Variants in PCDHA6 observed in about 807,000 individuals in gnomAD.
The protein encoded by PCDHA6 is protocadherin alpha 6, also known as protocadherin alpha-6.
A neutral mutation model predicts 60.3 loss-of-function variants in PCDHA6; 55 were observed. The ratio of observed to expected loss-of-function variants is 0.91; its 90% CI spans 0.73 to 1.14. PCDHA6 has a LOEUF of 1.14. PCDHA6 is among the 50% of genes most tolerant of loss of function. The probability of loss-of-function intolerance (pLI) is 0.00; values close to 1 mark genes in which losing one functional copy is unlikely to be tolerated. For missense variants in PCDHA6, 1,327 were observed against 1,256.5 expected, an observed-to-expected ratio of 1.06 and a Z score of -0.85; for synonymous variants, 652 against 557.9, an observed-to-expected ratio of 1.17 and a Z score of -2.38.
intron 3 of PCDHA6, among the ~76,000 whole-genome samples, chr5:141,002,612 C>G (rs1487847560): frequency 1.3e-5 from 2 of 152,178 alleles, no homozygotes; most frequent in Non-Finnish European, 2.9e-5. Context: ...AAAACAGACA[C>G]ATAACACAGA....
intron 1 of PCDHA6, among the ~76,000 whole-genome samples, chr5:140,911,222 T>G (rs2075377398): frequency 6.6e-6 from 1 of 152,204 alleles, no homozygotes; most frequent in African/African-American, 2.4e-5. Flanking sequence ...ATGAGAAAGC[T>G]GTTTCTTCTG....
intron 3 of PCDHA6, among the ~76,000 whole-genome samples, chr5:140,996,703 C>G (rs2097740523): frequency 6.6e-6 from 1 of 152,132 alleles, no homozygotes; most frequent in African/African-American, 2.4e-5. Context: ...GAACCTCTAT[C>G]TCTTTGATTT....
At chr5:140,892,550 A>G (rs1337911954) in intron 1 of PCDHA6, among the ~76,000 whole-genome samples, 1 of 152,202 alleles carries the variant, frequency 6.6e-6, no homozygotes, top group East Asian at 1.9e-4. Context: ...TTGTTTCTCT[A>G]GTCCTTGGAG....
chr5:140,951,021 G>A (rs960559037), intron 1 of PCDHA6, among the ~76,000 whole-genome samples: 1 of 151,932 alleles, frequency 6.6e-6, no homozygotes, highest in Non-Finnish European at 1.5e-5. Context: ...CAGGCAGTGA[G>A]TTTTAATTTC....
chr5:140,856,514 G>T (rs781942781), intron 1 of PCDHA6: 5 of 1,598,422 alleles, frequency 3.1e-6, no homozygotes, highest in Non-Finnish European at 3.4e-6. Context: ...ACTAGAAGGC[G>T]CATCTGATGC....
Position 140,829,426 on chromosome 5 carries a change from G to A in PCDHA6, c.1335G>A (p.Val445=). ...LWATASLSVE[V]ADMNDNAPAF... ...CCACCGCCAGCTTGTCTGTGGAGGT[G>A]GCCGACATGAATGACAATGCTCCGG... The change falls in exon 1 of 4, where the codon GTG becomes GTA. Residue 445 remains valine (V), a synonymous_variant. Transcript: ENST00000529310. 6.2e-7 allele frequency: 1 copy of A among 1,614,124 alleles called. No homozygotes were observed. The highest frequency in any genetic ancestry group is 8.5e-7 in the Non-Finnish European group (1 of 1,180,044).
At chr5:140,952,352 A>G (rs2094730295) in intron 1 of PCDHA6, among the ~76,000 whole-genome samples, 1 of 103,372 alleles carries the variant, frequency 9.7e-6, no homozygotes, top group Non-Finnish European at 2.0e-5. Flanking sequence ...AAAAAAAAAA[A>G]AAGAAAGAAA....
intron 1 of PCDHA6, chr5:140,869,622 TA>T: frequency 6.2e-7 from 1 of 1,613,790 alleles, no homozygotes; most frequent in Non-Finnish European, 8.5e-7. Context: ...ACAGGCTAAG[TA>T]AAAATGAGTA....
intron 1 of PCDHA6, among the ~76,000 whole-genome samples, chr5:140,838,280 A>ATTTTT (rs2150286950): frequency 0.017 from 2,338 of 139,538 alleles, 73 homozygotes; most frequent in African/African-American, 0.061. Flanking sequence ...AGCCATGCTA[A>ATTTTT]TTTTTTTTTT....
At chr5:140,904,074 T>G (rs2070811489) in intron 1 of PCDHA6, among the ~76,000 whole-genome samples, 1 of 152,214 alleles carries the variant, frequency 6.6e-6, no homozygotes, top group East Asian at 1.9e-4. Flanking sequence ...GGGAACAGTA[T>G]TTGGTTACAT....
chr5:140,830,518 T>G (rs933465467), intron 1 of PCDHA6, 33 bp downstream of exon 1: 1 of 1,345,070 alleles, frequency 7.4e-7, no homozygotes, highest in Admixed American at 2.6e-5. Flanking sequence ...CAGTTAATTT[T>G]TATTTTAAAT....
chr5:140,949,537 C>A (rs1359504503), intron 1 of PCDHA6, among the ~76,000 whole-genome samples: 1 of 151,692 alleles, frequency 6.6e-6, no homozygotes, highest in African/African-American at 2.4e-5. Flanking sequence ...CATAAAATAT[C>A]GATTTGTTGC....
intron 1 of PCDHA6, chr5:140,848,627 C>A (rs2150415435): frequency 6.3e-7 from 1 of 1,593,432 alleles, no homozygotes; most frequent in Non-Finnish European, 8.6e-7. Context: ...ACGGCACCTT[C>A]GTGGGCCGCA....
intron 1 of PCDHA6, chr5:140,841,149 T>G: frequency 1.3e-6 from 1 of 781,862 alleles, no homozygotes. Flanking sequence ...ATGATGTCGC[T>G]GTCTACCAAG....
intron 1 of PCDHA6, among the ~76,000 whole-genome samples, chr5:140,971,149 G>C (rs2096459410): frequency 1.3e-5 from 2 of 152,200 alleles, no homozygotes; most frequent in Admixed American, 1.3e-4. Context: ...GAACAAGTCA[G>C]GCCAGGCTCA....
chr5:140,835,478 A>C (rs2150236474), intron 1 of PCDHA6: 1 of 1,613,896 alleles, frequency 6.2e-7, no homozygotes, highest in South Asian at 1.1e-5. Context: ...ACGCCCAACC[A>C]GGTACCGTCA....
At chr5:140,948,292 A>G (rs1174586168) in intron 1 of PCDHA6, among the ~76,000 whole-genome samples, 1 of 151,576 alleles carries the variant, frequency 6.6e-6, no homozygotes, top group Non-Finnish European at 1.5e-5. Flanking sequence ...AATTTTGTAA[A>G]GAATATCTTT....
In PCDHA6 at chr5:140,850,593, C is replaced by G. The variant is rs2150490576; in HGVS notation, c.2394+20108C>G. The stretch of plus-strand genomic sequence containing the variant: ...GACGCTGGTGGATGTCAACGTGTAC[C>G]TGATCATCGCCATCTGCGCGGTGTC... On this transcript the variant is annotated intron_variant, in intron 1 of 3. Coordinates refer to ENST00000529310, the MANE Select transcript of PCDHA6 (RefSeq NM_018909.4). 25 of 1,598,524 alleles carry G rather than the reference C, an allele frequency of 1.6e-5. 1 individual carries two copies. The highest frequency in any genetic ancestry group is 5.5e-5 in the South Asian group (5 of 90,556).
chr5:141,001,164 A>T (rs2097995699), intron 3 of PCDHA6, among the ~76,000 whole-genome samples: 1 of 152,102 alleles, frequency 6.6e-6, no homozygotes, highest in East Asian at 1.9e-4. Context: ...AATAAGTAAA[A>T]TTTAACGAGT....
Sources: allele counts gnomAD v4.1 joint callset (sites outside exome capture counted in the v4.1 genomes callset), GRCh38; gene constraint gnomAD v4.1.1; transcripts MANE v1.5; gene names NCBI Gene and HGNC (gene_info 2026-07-23, HGNC 2026-07-21).